The following SCAND3 variants were observed in gnomAD, a reference collection of about 807,000 sequenced individuals.
SCAND3 encodes the protein SCAN domain-containing protein 3.
At chr6:28,604,302 G>C in the SCAND3 span, among the ~76,000 whole-genome samples, 3 of 152,130 alleles carry the variant, frequency 2.0e-5, no homozygotes, top group Admixed American at 6.6e-5. Context: ...CCCAGCTGTA[G>C]CTAATATGCA....
the SCAND3 span, chr6:28,586,621 T>G: frequency 1.2e-6 from 2 of 1,614,194 alleles, no homozygotes; most frequent in Non-Finnish European, 1.7e-6. This position sits in a 1 kb window ranked among gnomAD's most constrained non-coding sequence, Gnocchi z 4.4. Flanking sequence ...TGATCCCAAG[T>G]GTGGTCTTCT....
the SCAND3 span, among the ~76,000 whole-genome samples, chr6:28,600,320 C>G: frequency 4.6e-5 from 7 of 152,054 alleles, no homozygotes; most frequent in Non-Finnish European, 8.8e-5. Flanking sequence ...CAACATCATA[C>G]GTCACTAGGG....
chr6:28,615,166 C>T, the SCAND3 span, among the ~76,000 whole-genome samples: 23 of 152,328 alleles, frequency 1.5e-4, no homozygotes, highest in Middle Eastern at 0.01. Flanking sequence ...CTGCCCTGAA[C>T]CAGTGCATAA....
At chr6:28,595,613 T>A in the SCAND3 span, among the ~76,000 whole-genome samples, 1 of 151,612 alleles carries the variant, frequency 6.6e-6, no homozygotes. Flanking sequence ...TCCCCACTAC[T>A]CGGGAGGCTG....
the SCAND3 span, among the ~76,000 whole-genome samples, chr6:28,607,185 C>T: frequency 6.6e-6 from 1 of 152,176 alleles, no homozygotes; most frequent in Admixed American, 6.5e-5. Flanking sequence ...AGAGCGCGTG[C>T]TTAGCATGTA....
chr6:28,575,157 C>T, the SCAND3 span: 1 of 1,614,076 alleles, frequency 6.2e-7, no homozygotes, highest in Non-Finnish European at 8.5e-7. This position sits in a 1 kb window ranked among gnomAD's most constrained non-coding sequence, Gnocchi z 4.2. Flanking sequence ...CACATGGAGT[C>T]TGTTGCATGC....
the SCAND3 span, chr6:28,589,856 G>GTTTTTTTTTTTTTT: frequency 3.4e-5 from 4 of 116,552 alleles, no homozygotes; most frequent in East Asian, 5.2e-4. Flanking sequence ...TTTTTTGTTT[G>GTTTTTTTTTTTTTT]TTTTTTTTTT....
chr6:28,594,470 TG>T, the SCAND3 span, among the ~76,000 whole-genome samples: 7,578 of 152,232 alleles, frequency 0.05, 316 homozygotes, highest in Non-Finnish European at 0.088. Flanking sequence ...GCCTGGCCAA[TG>T]GGGTGAAACC....
the SCAND3 span, among the ~76,000 whole-genome samples, chr6:28,606,832 G>GC: frequency 1.3e-5 from 2 of 152,090 alleles, no homozygotes; most frequent in Admixed American, 6.5e-5. Flanking sequence ...CCCCTTTGAC[G>GC]CCCCCCTACA....
At chr6:28,615,497 C>T in the SCAND3 span, among the ~76,000 whole-genome samples, 1 of 151,064 alleles carries the variant, frequency 6.6e-6, no homozygotes, top group Non-Finnish European at 1.5e-5. Flanking sequence ...CCTGTAATCT[C>T]AGCTACTTGG....
At chr6:28,599,191 G>A in the SCAND3 span, among the ~76,000 whole-genome samples, 1 of 152,152 alleles carries the variant, frequency 6.6e-6, no homozygotes, top group Non-Finnish European at 1.5e-5. Flanking sequence ...GATATTCCAT[G>A]TTCATGGATA....
At chr6:28,579,146 G>T in the SCAND3 span, 8 of 828,956 alleles carry the variant, frequency 9.7e-6, no homozygotes, top group African/African-American at 1.7e-5. This position sits in a 1 kb window ranked among gnomAD's most constrained non-coding sequence, Gnocchi z 4.5. Context: ...TATACTGATT[G>T]GCTTTTCCTT....
chr6:28,589,385 A>G, the SCAND3 span: 3 of 152,082 alleles, frequency 2.0e-5, no homozygotes, highest in African/African-American at 4.8e-5. Flanking sequence ...GGTTGGTCCC[A>G]TGGTGTAATG....
the SCAND3 span, among the ~76,000 whole-genome samples, chr6:28,579,679 G>A: frequency 6.6e-6 from 1 of 152,182 alleles, no homozygotes; most frequent in African/African-American, 2.4e-5. The surrounding 1 kb of genome is among the most constrained non-coding windows in gnomAD (Gnocchi z 4.5). Flanking sequence ...AACAATGAAA[G>A]CACGTTAAAG....
chr6:28,603,255 C>A, the SCAND3 span, among the ~76,000 whole-genome samples: 1 of 152,132 alleles, frequency 6.6e-6, no homozygotes, highest in Non-Finnish European at 1.5e-5. Flanking sequence ...ACCGTGCCCG[C>A]CCAAAATAAA....
chr6:28,571,803 C>A, the SCAND3 span: 1 of 1,396,262 alleles, frequency 7.2e-7, no homozygotes, highest in Non-Finnish European at 9.5e-7. Flanking sequence ...CTCATACTTC[C>A]ATAACTGTAA....
the SCAND3 span, chr6:28,574,688 T>G: frequency 6.2e-7 from 1 of 1,614,076 alleles, no homozygotes; most frequent in Non-Finnish European, 8.5e-7. Flanking sequence ...CCTGATGGCT[T>G]TAGCATTTTG....
the SCAND3 span, chr6:28,586,658 C>T: frequency 6.2e-7 from 1 of 1,614,052 alleles, no homozygotes; most frequent in Non-Finnish European, 8.5e-7. This position sits in a 1 kb window ranked among gnomAD's most constrained non-coding sequence, Gnocchi z 4.4. Flanking sequence ...TGATAATCTC[C>T]CCTTGTTCTT....
chr6:28,581,306 C>T, the SCAND3 span, among the ~76,000 whole-genome samples: 1 of 151,942 alleles, frequency 6.6e-6, no homozygotes, highest in Admixed American at 6.6e-5. Context: ...CCACTGCCCT[C>T]CAGCCTGGGT....
Sources: gnomAD v4.1 joint callset for allele counts (sites outside exome capture counted in the v4.1 genomes callset) on GRCh38, gnomAD v4.1.1 for gene constraint, Gnocchi (gnomAD v3.1) non-coding constraint, MANE v1.5 for transcripts, NCBI Gene and HGNC (gene_info 2026-07-23, HGNC 2026-07-21) for gene names.